VPS13B: variants seen among roughly 807,000 people sequenced by gnomAD.
The protein encoded by VPS13B is vacuolar protein sorting 13 homolog B.
A neutral mutation model predicts 426.4 loss-of-function variants in VPS13B; 285 were observed. The observed-to-expected ratio is 0.67, with a 90% CI of 0.61 to 0.74. The LOEUF is 0.74. Ranked by LOEUF, VPS13B falls within the 30% of genes least tolerant of loss-of-function variation. The probability of loss-of-function intolerance (pLI) is 0.00; values close to 1 mark genes in which losing one functional copy is unlikely to be tolerated. For missense variants in VPS13B, 4,537 were observed against 4,782.6 expected (o/e 0.95, Z 1.51); for synonymous variants, 1,676 against 1,676.4 (o/e 1.00, Z 0.01).
At chr8:99,349,942 T>C (rs1384308666) in intron 19 of VPS13B, among the ~76,000 whole-genome samples, 1 of 152,140 alleles carries the variant, frequency 6.6e-6, no homozygotes, top group African/African-American at 2.4e-5. Flanking sequence ...TCATAGAGCA[T>C]ATGAGTGGGA....
chr8:99,319,252 A>G (rs1292261177), intron 19 of VPS13B, among the ~76,000 whole-genome samples: 1 of 152,180 alleles, frequency 6.6e-6, no homozygotes, highest in Non-Finnish European at 1.5e-5. Context: ...CATATTGGCA[A>G]TGAATATCCT....
intron 24 of VPS13B, among the ~76,000 whole-genome samples, chr8:99,478,308 T>C (rs1204338255): frequency 6.6e-6 from 1 of 151,902 alleles, no homozygotes; most frequent in South Asian, 2.1e-4. Context: ...ATTGCTGTTA[T>C]GTTGATCAGT....
chr8:99,697,572 A>T lies in VPS13B; in HGVS notation c.6047-1953A>T, dbSNP rs1832083740. ...CAGGACTACAGCGAGAACATGCAAG[A>T]GATCAAGAAGGAACTCTCAAAGACT... On this transcript the variant is annotated intron_variant, in intron 35 of 61. Coordinates refer to ENST00000357162, the MANE Select transcript of VPS13B (RefSeq NM_152564.5). The T allele has an allele frequency of 1.0e-5, 7 of 682,746 alleles. No individual in the cohort carries two copies. In the East Asian group the frequency reaches 1.8e-4, roughly 17 times the overall value. 42.3% of individuals were successfully genotyped at this position (682,746 alleles called of 1,614,324 possible).
At position 99,642,059 on chromosome 8, in the gene VPS13B, A is replaced by G. The variant is rs774190999; in HGVS notation, c.5469A>G (p.Leu1823=). 5.6e-6 allele frequency: 9 copies of G among 1,614,010 alleles called. No individual in the cohort carries two copies. The Admixed American group carries it at 1.5e-4, about 27-fold the overall frequency. The change falls in exon 34 of 62, where the codon CTA becomes CTG. Residue 1823 remains leucine (L), a synonymous_variant. Transcript: ENST00000357162. ...TTATTACTGCAAGTAGAATCTCACT[A>G]ATGACCTATTCCTGTATGGCCTTAT... ...DIFITASRIS[L]MTYSCMALSK... is the part of the protein sequence containing the mutation.
At chr8:99,087,624 T>C (rs952777421) in intron 3 of VPS13B, among the ~76,000 whole-genome samples, 1 of 151,462 alleles carries the variant, frequency 6.6e-6, no homozygotes, top group Non-Finnish European at 1.5e-5. Flanking sequence ...TGTTTTTTTT[T>C]TTTTTTATAG....
chr8:99,727,043 T>G (rs1208361894), intron 39 of VPS13B, among the ~76,000 whole-genome samples: 1 of 152,138 alleles, frequency 6.6e-6, no homozygotes, highest in Admixed American at 6.5e-5. Context: ...TAAATTTAAT[T>G]TTACTCCATG....
intron 19 of VPS13B, among the ~76,000 whole-genome samples, chr8:99,306,684 C>T (rs1354935036): frequency 6.6e-6 from 1 of 152,020 alleles, no homozygotes; most frequent in Non-Finnish European, 1.5e-5. Flanking sequence ...GGGCTTACAC[C>T]TACACAGTAT....
At chr8:99,744,946 T>C (rs1465467982) in intron 39 of VPS13B, among the ~76,000 whole-genome samples, 2 of 152,012 alleles carry the variant, frequency 1.3e-5, no homozygotes, top group Non-Finnish European at 2.9e-5. Flanking sequence ...AATGTGCACA[T>C]GTACCCTAAA....
At chr8:99,250,795 C>T (rs1404844359) in intron 17 of VPS13B, among the ~76,000 whole-genome samples, 1 of 147,700 alleles carries the variant, frequency 6.8e-6, no homozygotes, top group Non-Finnish European at 1.5e-5. Context: ...AGTGATCTTC[C>T]CACCTCAGAG....
chr8:99,267,352 A>G (rs1200622349), intron 17 of VPS13B, among the ~76,000 whole-genome samples: 1 of 152,194 alleles, frequency 6.6e-6, no homozygotes, highest in Non-Finnish European at 1.5e-5. Flanking sequence ...GGTATCTGGC[A>G]GAAGAAATTT....
chr8:99,080,943 T>C (rs1845418466), intron 3 of VPS13B, among the ~76,000 whole-genome samples: 1 of 152,228 alleles, frequency 6.6e-6, no homozygotes, highest in Admixed American at 6.5e-5. Flanking sequence ...CTCTGGTCTA[T>C]GGTCTAGAAT....
At chr8:99,340,070 C>G (rs1026783562) in intron 19 of VPS13B, among the ~76,000 whole-genome samples, 2 of 152,122 alleles carry the variant, frequency 1.3e-5, no homozygotes, top group Non-Finnish European at 2.9e-5. Context: ...AGATAGCCTC[C>G]TTAGTAGCAA....
At chr8:99,627,975 C>G (rs189816980) in intron 33 of VPS13B, among the ~76,000 whole-genome samples, 35 of 152,268 alleles carry the variant, frequency 2.3e-4, no homozygotes, top group Non-Finnish European at 4.3e-4. Context: ...AGAAAGTGTA[C>G]TGTGGCAGAA....
chr8:99,430,494 T>G (rs535083210), intron 21 of VPS13B, among the ~76,000 whole-genome samples: 1 of 152,332 alleles, frequency 6.6e-6, no homozygotes, highest in South Asian at 2.1e-4. Context: ...TGAAACTGTT[T>G]AGTTATAATA....
chr8:99,415,543 A>C, intron 21 of VPS13B, among the ~76,000 whole-genome samples: 1 of 152,058 alleles, frequency 6.6e-6, no homozygotes, highest in East Asian at 1.9e-4. Flanking sequence ...CATAGTCTTC[A>C]TGGATTTATC....
rs185282668 is a variant in VPS13B at position 99,343,625 on chromosome 8, G to A, written c.2825-40583G>A. 3.5e-3 allele frequency among the ~76,000 whole-genome samples: 535 copies of A among 152,232 alleles called. 1 individual carries two copies. The highest frequency in any genetic ancestry group is 5.8e-3 in the Non-Finnish European group (393 of 68,012). Reference sequence around the variant, plus strand: ...AATACAAAATCAACGTACAAAATTAGTAGCATTTCTGTACACTAATAACAA... The same window carrying A: ...AATACAAAATCAACGTACAAAATTAATAGCATTTCTGTACACTAATAACAA... On this transcript the variant is annotated intron_variant, in intron 19 of 61. Transcript: ENST00000357162.
At chr8:99,032,703 T>G (rs1842573892) in intron 2 of VPS13B, among the ~76,000 whole-genome samples, 3 of 5,918 alleles carry the variant, frequency 5.1e-4, no homozygotes, top group Admixed American at 5.4e-4. Flanking sequence ...CTATTTTTGT[T>G]TTTTTTTTTT....
chr8:99,648,462 T>G (rs2133942647), intron 34 of VPS13B, among the ~76,000 whole-genome samples: 1 of 152,358 alleles, frequency 6.6e-6, no homozygotes, highest in African/African-American at 2.4e-5. Context: ...AGTTGTATAT[T>G]CAGCTTTAGC....
chr8:99,021,350 C>T lies in VPS13B; in HGVS notation c.147+7415C>T, dbSNP rs568845976. On this transcript the variant is annotated intron_variant, in intron 2 of 61. Coordinates refer to ENST00000357162, the MANE Select transcript of VPS13B (RefSeq NM_152564.5). Reference sequence around the variant, plus strand: ...GCCAAAGTCTCACTGTGGCTGGGCACGGTGGCTCATGCCTGTAATCCCGGC... The same window carrying T: ...GCCAAAGTCTCACTGTGGCTGGGCATGGTGGCTCATGCCTGTAATCCCGGC... 3.9e-4 allele frequency among the ~76,000 whole-genome samples: 59 copies of T among 152,246 alleles called. 1 individual carries two copies. Among genetic ancestry groups the T allele is most frequent in the Middle Eastern group, 3.4e-3 (1 of 294 alleles).
Sources: allele counts gnomAD v4.1 joint callset (sites outside exome capture counted in the v4.1 genomes callset), GRCh38; gene constraint gnomAD v4.1.1; transcripts MANE v1.5; gene names NCBI Gene and HGNC (gene_info 2026-07-23, HGNC 2026-07-21).